The following XPA variants were observed in gnomAD, a reference collection of about 807,000 sequenced individuals.
XPA encodes the protein DNA repair protein complementing XP-A cells.
Under a neutral mutation model 35.7 loss-of-function variants are expected in XPA, and 27 were observed. The ratio of observed to expected loss-of-function variants is 0.76; its 90% CI spans 0.56 to 1.04. The LOEUF is 1.04. Ranked by LOEUF, XPA falls within the 50% of genes least tolerant of loss-of-function variation. XPA has a pLI of 0.00. For synonymous variants in XPA, 133 were observed against 118.4 expected (o/e 1.12, Z -0.80); for missense variants, 354 against 342.7 (o/e 1.03, Z -0.26).
chr9:97,654,426 G>A, the XPA span, among the ~76,000 whole-genome samples: 1 of 152,068 alleles, frequency 6.6e-6, no homozygotes, highest in Admixed American at 6.6e-5. Flanking sequence ...TTATGGGATT[G>A]CAGCAATTAA....
In XPA at chr9:97,685,504, C is replaced by A. The variant is rs77314351; in HGVS notation, c.556-464G>T. Among the ~76,000 whole-genome samples, 31 of 152,230 alleles carry A rather than the reference C, an allele frequency of 2.0e-4. No homozygotes were observed. The East Asian group carries it at 5.6e-3, about 27-fold the overall frequency. ...CTCTATCGACTTGACTTCTGATCTG[C>A]AGGATATATTTTTTTTTAATTTTGG... On this transcript the variant is annotated intron_variant, in intron 4 of 5. Transcript: ENST00000375128.
intron 5 of XPA, 22 bp downstream of exon 5, chr9:97,684,901 G>A (rs1828663856): frequency 7.0e-6 from 11 of 1,574,328 alleles, no homozygotes; most frequent in South Asian, 5.5e-5. Context: ...AATCCTTCAC[G>A]ATATAAAATG....
the XPA span, chr9:97,654,876 A>C: frequency 6.2e-7 from 1 of 1,613,646 alleles, no homozygotes; most frequent in Non-Finnish European, 8.5e-7. Flanking sequence ...TCCTAAATTC[A>C]CAGCTTGCAC....
the XPA span, among the ~76,000 whole-genome samples, chr9:97,667,293 C>G: frequency 6.6e-6 from 1 of 152,122 alleles, no homozygotes; most frequent in Non-Finnish European, 1.5e-5. Context: ...TAACGGAATA[C>G]TTCTCATAGT....
At position 97,687,199 on chromosome 9, in the gene XPA, T is replaced by C. The variant is rs983722547; in HGVS notation, c.452A>G (p.Lys151Arg). The change falls in exon 4 of 6, where the codon AAA (lysine) becomes AGA (arginine). Residue 151 changes from lysine to arginine, a missense_variant. Lys to Arg is a conservative substitution (Grantham distance 26). Transcript: ENST00000375128. ...KTEAKQEYLL[K>R]DCDLEKREPP... is the part of the protein sequence containing the mutation. ...CTCTCTTTTTTCTAAATCACAGTCT[T>C]TCAGAAGATATTCTTGTTTTGCCTC... 2.5e-6 allele frequency: 4 copies of C among 1,611,728 alleles called. No individual in the cohort carries two copies. In the East Asian group the frequency reaches 8.9e-5, roughly 36 times the overall value.
chr9:97,654,780 AATC>A, the XPA span: 1 of 1,029,552 alleles, frequency 9.7e-7, no homozygotes, highest in African/African-American at 1.6e-5. Context: ...CAGCATTATT[AATC>A]ATTATAAAGA....
chr9:97,658,293 A>G, the XPA span, among the ~76,000 whole-genome samples: 1 of 152,210 alleles, frequency 6.6e-6, no homozygotes, highest in Non-Finnish European at 1.5e-5. Context: ...AGGCAGTAAC[A>G]AACTTGGCTT....
rs1476014427 is a variant in XPA at position 97,693,748 on chromosome 9, C to T, written c.184G>A (p.Val62Ile). Residue 62 changes from valine to isoleucine, a missense_variant, in exon 2 of 6, where the codon GTA becomes ATA. By Grantham distance (29) the Val-to-Ile change is conservative (BLOSUM62 3). Coordinates refer to ENST00000375128, the MANE Select transcript of XPA (RefSeq NM_000380.4). ...TCAATTATCTTTGGGGCTGCTTTTA[C>T]ATTAGCCATGCCTACAAAAGTAAGT... is the stretch of plus-strand genomic sequence containing the variant. Reference protein sequence around the residue: ...AAAATGGMANVKAAPKIIDTG... With the variant: ...AAAATGGMANIKAAPKIIDTG... 1.9e-6 allele frequency: 3 copies of T among 1,612,822 alleles called. No individual in the cohort carries two copies. The African/African-American group carries it at 4.0e-5, about 22-fold the overall frequency.
chr9:97,678,200 A>G lies in XPA; in HGVS notation c.674-2613T>C, dbSNP rs574010805. Reference sequence around the variant, plus strand: ...TGGATCACCTGAGGTCAGGAGTTCGAGACCAGCTTGGCCAATATGGTGAAA... The same window carrying G: ...TGGATCACCTGAGGTCAGGAGTTCGGGACCAGCTTGGCCAATATGGTGAAA... On this transcript the variant is annotated intron_variant, in intron 5 of 5. Transcript: ENST00000375128. Among the ~76,000 whole-genome samples the G allele has an allele frequency of 1.3e-4, 20 of 152,310 alleles. No homozygotes were observed. In the South Asian group the frequency reaches 2.1e-3, roughly 16 times the overall value.
chr9:97,669,839 T>C, the XPA span: 1 of 719,698 alleles, frequency 1.4e-6, no homozygotes, highest in Non-Finnish European at 2.5e-6. Flanking sequence ...GTCCATTTGC[T>C]GCTACCATTG....
At chr9:97,685,733 T>C (rs947505137) in intron 4 of XPA, among the ~76,000 whole-genome samples, 1 of 152,188 alleles carries the variant, frequency 6.6e-6, no homozygotes, top group African/African-American at 2.4e-5. Flanking sequence ...GATACACTCA[T>C]ATTTCGTATA....
intron 5 of XPA, among the ~76,000 whole-genome samples, chr9:97,681,747 A>G (rs1016173169): frequency 7.2e-5 from 11 of 152,168 alleles, no homozygotes; most frequent in African/African-American, 2.4e-4. Flanking sequence ...AAACATTTCT[A>G]TATTCTGTAA....
At chr9:97,691,886 A>AATATATATATAT (rs55944336) in intron 2 of XPA, among the ~76,000 whole-genome samples, 7 of 124,670 alleles carry the variant, frequency 5.6e-5, no homozygotes, top group Middle Eastern at 4.0e-3. Context: ...TTTCTAAATA[A>AATATATATATAT]ATATATATAT....
chr9:97,655,604 A>G, the XPA span: 1 of 896,374 alleles, frequency 1.1e-6, no homozygotes, highest in African/African-American at 1.7e-5. Flanking sequence ...TAACTCTGTA[A>G]AGTCGGGTTT....
chr9:97,697,074 C>G lies in XPA; in HGVS notation c.172+47G>C, dbSNP rs943010953. On this transcript the variant is annotated intron_variant, in intron 1 of 5. Coordinates refer to ENST00000375128, the MANE Select transcript of XPA (RefSeq NM_000380.4). ...GGCTTGCACGAGCCAGTCTGGGGAC[C>G]GGGGAGGCGGGGAGAGGGAAGGGGA... is the stretch of plus-strand genomic sequence containing the variant. 5 of 1,501,258 alleles carry G rather than the reference C, an allele frequency of 3.3e-6. No individual in the cohort carries two copies. In the South Asian group the frequency reaches 6.5e-5, roughly 20 times the overall value. 93.0% of individuals were successfully genotyped at this position (1,501,258 alleles called of 1,614,324 possible). A position where few individuals can be genotyped will look rare whatever the true frequency, so the allele number is the denominator to read the frequency against.
At chr9:97,663,084 TTGTA>T in the XPA span, 11 of 1,469,780 alleles carry the variant, frequency 7.5e-6, no homozygotes, top group Non-Finnish European at 5.7e-6. Flanking sequence ...GAAGCTCTGA[TTGTA>T]TGGGTATAAA....
At chr9:97,683,905 T>C (rs1010812546) in intron 5 of XPA, among the ~76,000 whole-genome samples, 1 of 152,214 alleles carries the variant, frequency 6.6e-6, no homozygotes, top group African/African-American at 2.4e-5. Flanking sequence ...CAAAATTATA[T>C]GGATAGGACG....
the XPA span, among the ~76,000 whole-genome samples, chr9:97,664,853 A>G: frequency 6.6e-6 from 1 of 152,216 alleles, no homozygotes; most frequent in Non-Finnish European, 1.5e-5. Flanking sequence ...AAGTAGAGTA[A>G]ATCATGGAGG....
the XPA span, chr9:97,669,109 GGAAGGAAA>G: frequency 9.3e-7 from 1 of 1,080,260 alleles, no homozygotes. Flanking sequence ...CAAAAATTTA[GGAAGGAAA>G]TAAAAGTTCA....
Sources: allele counts gnomAD v4.1 joint callset (sites outside exome capture counted in the v4.1 genomes callset), GRCh38; gene constraint gnomAD v4.1.1; transcripts MANE v1.5; gene names NCBI Gene and HGNC (gene_info 2026-07-23, HGNC 2026-07-21).